GABRR1: variants seen among roughly 807,000 people sequenced by gnomAD.
GABRR1 encodes the protein gamma-aminobutyric acid receptor subunit rho-1.
A neutral mutation model predicts 55.5 loss-of-function variants in GABRR1; 59 were observed. The observed-to-expected ratio is 1.06, with a 90% CI of 0.86 to 1.32. GABRR1 has a LOEUF of 1.32. GABRR1 is among the 40% of genes most tolerant of loss of function. The pLI, the probability that GABRR1 is intolerant of heterozygous loss-of-function variation, is 0.00. For missense variants in GABRR1, 602 were observed against 619.1 expected (o/e 0.97, Z 0.29); for synonymous variants, 213 against 226.0 (o/e 0.94, Z 0.51).
At chr6:89,223,449 T>C (rs573312472) in intron 1 of GABRR1, among the ~76,000 whole-genome samples, 3 of 152,354 alleles carry the variant, frequency 2.0e-5, no homozygotes, top group African/African-American at 7.2e-5. Context: ...CACTCGTTGA[T>C]TGTTGGGCAT....
chr6:89,178,911 CCTCT>C lies in GABRR1; in HGVS notation c.1295_1298del (p.Glu432GlyfsTer14). On this transcript the variant is annotated frameshift_variant, in exon 10 of 10. Transcript: ENST00000454853. LOFTEE classifies it high-confidence loss of function. ...TCTGACTTTTCCTCTGTGGGGAGCTCCTCTCTGAGGCCAGGGTCAGCTGCACCAT... is the reference window on the plus strand; with the variant it reads ...TCTGACTTTTCCTCTGTGGGGAGCTCCTGAGGCCAGGGTCAGCTGCACCAT... 1 of 1,614,176 alleles carries C rather than the reference CCTCT, an allele frequency of 6.2e-7. No homozygotes were observed. The highest frequency in any genetic ancestry group is 2.2e-5 in the East Asian group (1 of 44,884).
rs145244430 is a variant in GABRR1 at position 89,190,238 on chromosome 6, T to G, written c.582A>C (p.Val194=). The G allele has an allele frequency of 8.1e-6, 13 of 1,606,776 alleles. No individual in the cohort carries two copies. The highest frequency in any genetic ancestry group is 1.0e-5 in the Non-Finnish European group (12 of 1,176,398). Residue 194 remains valine, a synonymous_variant, in exon 6 of 10, where the codon GTA becomes GTC. Transcript: ENST00000454853. Reference sequence around the variant, plus strand: ...TGAAGTCCATGTTGCACATTGCAGTTACTGTAACCCTAGGGCCAAAAAGAC... The same window carrying G: ...TGAAGTCCATGTTGCACATTGCAGTGACTGTAACCCTAGGGCCAAAAAGAC... ...GKVLYSLRVT[V]TAMCNMDFSR...
At chr6:89,186,679 G>A (rs1771912644) in intron 6 of GABRR1, among the ~76,000 whole-genome samples, 1 of 152,244 alleles carries the variant, frequency 6.6e-6, no homozygotes, top group Admixed American at 6.5e-5. Context: ...AAGTTCTGGA[G>A]ACAATGAACT....
intron 5 of GABRR1, among the ~76,000 whole-genome samples, chr6:89,197,408 G>T (rs1432618484): frequency 6.6e-6 from 1 of 152,194 alleles, no homozygotes; most frequent in Non-Finnish European, 1.5e-5. Flanking sequence ...TAAAGTTCCT[G>T]TGCAGCCTGA....
rs1771609535 is a variant in GABRR1 at position 89,178,536 on chromosome 6, C to T, written c.*234G>A. The T allele has an allele frequency of 1.5e-5, 8 of 535,514 alleles. No homozygotes were observed. Among genetic ancestry groups the T allele is most frequent in the Middle Eastern group, 5.1e-4 (1 of 1,980 alleles). 33.2% of individuals were successfully genotyped at this position (535,514 alleles called of 1,614,324 possible). On this transcript the variant is annotated 3_prime_UTR_variant, in exon 10 of 10. Transcript: ENST00000454853. The stretch of plus-strand genomic sequence containing the variant: ...CAACTAACATCAGTCGCTACAGTGT[C>T]GTATTTCCTGCAGCACCTAATATAA...
chr6:89,196,321 A>G (rs993365843), intron 5 of GABRR1, among the ~76,000 whole-genome samples: 6 of 150,902 alleles, frequency 4.0e-5, no homozygotes, highest in African/African-American at 1.5e-4. Flanking sequence ...ATATACACAT[A>G]GGTATGCATA....
In GABRR1 at chr6:89,198,262, AGAGG is replaced by A. The variant is rs1457574164; in HGVS notation, c.349-23_349-20del. ...TAAAGTCCTGGGAGCAGAAGGGCAG[AGAGG>A]GAACCCCAGACACACACAAACCCAC... On this transcript the variant is annotated intron_variant, in intron 4 of 9. Coordinates refer to ENST00000454853, the MANE Select transcript of GABRR1 (RefSeq NM_002042.5). 1.9e-6 allele frequency: 3 copies of A among 1,562,790 alleles called. No homozygotes were observed. Among genetic ancestry groups the A allele is most frequent in the Non-Finnish European group, 1.8e-6 (2 of 1,133,728 alleles).
chr6:89,180,498 C>T lies in GABRR1; in HGVS notation c.950-10G>A. On this transcript the variant is annotated splice_polypyrimidine_tract_variant and intron_variant, in intron 8 of 9. Coordinates refer to ENST00000454853, the MANE Select transcript of GABRR1 (RefSeq NM_002042.5). ...AGCACCGTTGTGATACCTGCAAACACAAGAATGAGAAACAAGTGTTTGCTT... is the reference window on the plus strand; with the variant it reads ...AGCACCGTTGTGATACCTGCAAACATAAGAATGAGAAACAAGTGTTTGCTT... The T allele has an allele frequency of 1.4e-5, 23 of 1,611,454 alleles. No homozygotes were observed. The highest frequency in any genetic ancestry group is 2.0e-5 in the Non-Finnish European group (23 of 1,178,730).
intron 5 of GABRR1, among the ~76,000 whole-genome samples, chr6:89,192,503 C>A (rs1204114078): frequency 1.3e-5 from 2 of 151,904 alleles, no homozygotes; most frequent in Non-Finnish European, 2.9e-5. Context: ...GAAAAAATTT[C>A]ACAAATCTTT....
At chr6:89,181,670 G>A (rs866448382) in intron 8 of GABRR1, among the ~76,000 whole-genome samples, 3 of 152,134 alleles carry the variant, frequency 2.0e-5, no homozygotes, top group South Asian at 2.1e-4. Context: ...ACACGGCTTC[G>A]ACAAGACTAA....
rs1562276993 is a variant in GABRR1, at chr6:89,177,906, A to T, written c.*864T>A. On this transcript the variant is annotated 3_prime_UTR_variant, in exon 10 of 10. Transcript: ENST00000454853. ...GTATTTCCTTGAAGTGTTTATGCAGAAGAAATCATTCTCTACCCAAGTTCC... is the reference window on the plus strand; with the variant it reads ...GTATTTCCTTGAAGTGTTTATGCAGTAGAAATCATTCTCTACCCAAGTTCC... 6.6e-6 allele frequency: 1 copy of T among 152,242 alleles called. No individual in the cohort carries two copies. Among genetic ancestry groups the T allele is most frequent in the Non-Finnish European group, 1.5e-5 (1 of 68,048 alleles). 9.4% of individuals were successfully genotyped at this position (152,242 alleles called of 1,614,324 possible). A position where few individuals can be genotyped will look rare whatever the true frequency, so the allele number is the denominator to read the frequency against.
chr6:89,200,558 G>T (rs760402345), intron 3 of GABRR1, among the ~76,000 whole-genome samples: 1 of 149,524 alleles, frequency 6.7e-6, no homozygotes, highest in African/African-American at 2.5e-5. Context: ...CACCATGCCC[G>T]GCCGAGAATG....
Position 89,198,025 on chromosome 6 carries a change from A to G in GABRR1, c.567T>C (p.Ser189=), listed in dbSNP as rs763517347. Residue 189 remains serine, a synonymous_variant, in exon 5 of 10, where the codon AGT becomes AGC. Coordinates refer to ENST00000454853, the MANE Select transcript of GABRR1 (RefSeq NM_002042.5). ...RVQPDGKVLY[S]LRVTVTAMCN... is the part of the protein sequence containing the mutation. ...TGATCTGCCTTTCTTCCTACCTGAG[A>G]CTATAGAGCACTTTCCCATCAGGCT... 1 of 1,612,904 alleles carries G rather than the reference A, an allele frequency of 6.2e-7. No individual in the cohort carries two copies. Among genetic ancestry groups the G allele is most frequent in the African/African-American group, 1.3e-5 (1 of 74,986 alleles).
intron 1 of GABRR1, among the ~76,000 whole-genome samples, chr6:89,203,713 G>C (rs1290002592): frequency 1.3e-5 from 2 of 152,224 alleles, no homozygotes; most frequent in Non-Finnish European, 2.9e-5. Context: ...CTAATTTGAA[G>C]AGGTCTGAGC....
rs753798099 is a variant in GABRR1, at chr6:89,181,999, C to CAAG, written c.852_854dup (p.Phe284dup). On this transcript the variant is annotated inframe_insertion, in exon 8 of 10. Transcript: ENST00000454853. ...GGGTAGCGGGGAAATAAGTTTGGAG[C>CAAG]AAGAAGAAGAAGATGTGGCGACGCA... 2 of 1,613,836 alleles carry CAAG rather than the reference C, an allele frequency of 1.2e-6. No homozygotes were observed. Among genetic ancestry groups the CAAG allele is most frequent in the South Asian group, 2.2e-5 (2 of 91,040 alleles).
At chr6:89,190,306 G>T in intron 5 of GABRR1, 59 bp from the exon 6 acceptor site, 2 of 1,251,214 alleles carry the variant, frequency 1.6e-6, no homozygotes, top group Non-Finnish European at 2.3e-6. Context: ...AGTGCAAAAT[G>T]ATAAATGGAA....
intron 6 of GABRR1, among the ~76,000 whole-genome samples, chr6:89,188,275 C>T (rs1022276836): frequency 4.4e-4 from 67 of 152,246 alleles, no homozygotes; most frequent in Middle Eastern, 3.4e-3. Flanking sequence ...CCTCTTACCC[C>T]GGCCACCCAC....
upstream of GABRR1, among the ~76,000 whole-genome samples, chr6:89,221,863 G>A (rs282113): frequency 0.82 from 125,393 of 152,182 alleles, 52,496 homozygotes; most frequent in African/African-American, 0.92. Flanking sequence ...TTTACTCACT[G>A]TATCGTCAAG....
intron 1 of GABRR1, among the ~76,000 whole-genome samples, chr6:89,224,518 G>A (rs1773166390): frequency 6.6e-6 from 1 of 152,062 alleles, no homozygotes; most frequent in South Asian, 2.1e-4. Flanking sequence ...ACTTTTTTAT[G>A]GAATTTTTTT....
Sources: gnomAD v4.1 joint callset for allele counts (sites outside exome capture counted in the v4.1 genomes callset) on GRCh38, gnomAD v4.1.1 for gene constraint, MANE v1.5 for transcripts, NCBI Gene and HGNC (gene_info 2026-07-23, HGNC 2026-07-21) for gene names.